APOL3: variants seen among roughly 807,000 people sequenced by gnomAD.
The protein encoded by APOL3 is apolipoprotein L3.
In APOL3, 14 loss-of-function variants were observed where a neutral mutation model predicts 11.6. The observed-to-expected ratio is 1.21, with a 90% CI of 0.80 to 1.89. The LOEUF is 1.89. Ranked by LOEUF, APOL3 falls within the 40% of genes most tolerant of loss-of-function variation. APOL3 has a pLI of 0.00. For synonymous variants in APOL3, 192 were observed against 190.6 expected (o/e 1.01, Z -0.06); for missense variants, 483 against 492.1 (o/e 0.98, Z 0.17).
At chr22:36,143,703 G>T (rs1311724322) in intron 2 of APOL3, among the ~76,000 whole-genome samples, 1 of 152,186 alleles carries the variant, frequency 6.6e-6, no homozygotes, top group Non-Finnish European at 1.5e-5. Flanking sequence ...CAAGCCACTT[G>T]ACGGCCTCCT....
chr22:36,141,774 G>A, exon 3 of APOL3: 3 of 1,614,198 alleles, frequency 1.9e-6, no homozygotes, highest in South Asian at 1.1e-5. Context: ...CGTCCCTGCT[G>A]TAAATGGTGC....
rs1024024982 is a variant in APOL3, at chr22:36,141,129, T to A, written c.*71A>T. 3 of 1,545,254 alleles carry A rather than the reference T, an allele frequency of 1.9e-6. No individual in the cohort carries two copies. The African/African-American group carries it at 4.1e-5, about 21-fold the overall frequency. ...CTTTACCTTGCCCTCTTTATCCCCC[T>A]AATAAAATGCCTGCATTTTGTCGTG... On this transcript the variant is annotated 3_prime_UTR_variant, in exon 3 of 3. Transcript: ENST00000349314.
chr22:36,153,546 G>T, intron 1 of APOL3: 1 of 380,640 alleles, frequency 2.6e-6, no homozygotes, highest in South Asian at 1.9e-5. Context: ...CTCAACATAC[G>T]GGCTTCTTTT....
chr22:36,157,293 C>T (rs1191993635), intron 1 of APOL3, among the ~76,000 whole-genome samples: 1 of 152,184 alleles, frequency 6.6e-6, no homozygotes, highest in Non-Finnish European at 1.5e-5. Context: ...CCAACTACTG[C>T]CAGGGACTTT....
At chr22:36,145,324 A>C in intron 2 of APOL3, 149 bp downstream of exon 3, 2 of 1,026,512 alleles carry the variant, frequency 1.9e-6, no homozygotes, top group East Asian at 5.2e-5. Flanking sequence ...CTTGGAGGAA[A>C]TATTCCTCCT....
chr22:36,145,026 GAAAAAAAAAGAAA>G (rs2060139394), intron 2 of APOL3, among the ~76,000 whole-genome samples: 1 of 124,340 alleles, frequency 8.0e-6, no homozygotes, highest in African/African-American at 3.1e-5. Context: ...AAAAAAAAAA[GAAAAAAAAAGAAA>G]AAAAAAGAAA....
intron 1 of APOL3, among the ~76,000 whole-genome samples, chr22:36,160,029 G>T (rs905051268): frequency 1.3e-5 from 2 of 152,012 alleles, no homozygotes; most frequent in African/African-American, 4.8e-5. Context: ...TTACTGGCTT[G>T]TGCCACCACG....
upstream of APOL3, chr22:36,165,604 C>A (rs570704899): frequency 2.4e-4 from 36 of 152,254 alleles, no homozygotes; most frequent in African/African-American, 7.7e-4. Flanking sequence ...ATTTGATTTA[C>A]AAGGTTGTTT....
chr22:36,145,554 C>A, exon 2 of APOL3: 1 of 1,614,156 alleles, frequency 6.2e-7, no homozygotes, highest in East Asian at 2.2e-5. Context: ...TGGGCTGACT[C>A]TCTCCCGGAA....
At position 36,144,910 on chromosome 22, in the gene APOL3, C is replaced by T. The variant is rs184852598; in HGVS notation, c.350+563G>A. ...CCTGTAGTCCCAGCTACTTGGGAGG[C>T]TGGGGCAGGAGAATGGCGTGAAACC... On this transcript the variant is annotated intron_variant, in intron 2 of 2. Transcript: ENST00000349314. Among the ~76,000 whole-genome samples, 509 of 145,896 alleles carry T rather than the reference C, an allele frequency of 3.5e-3. 3 individuals are homozygous for T. Among genetic ancestry groups the T allele is most frequent in the African/African-American group, 0.011 (454 of 39,652 alleles).
chr22:36,148,931 C>T (rs2060322207), intron 1 of APOL3, 115 bp downstream of exon 2: 4 of 1,038,794 alleles, frequency 3.9e-6, no homozygotes, highest in African/African-American at 1.6e-5. Context: ...AGGGAAGACT[C>T]ATCGGCCTGC....
At chr22:36,166,159 A>C (rs1286935057) in exon 1 of APOL3, 2 of 152,142 alleles carry the variant, frequency 1.3e-5, no homozygotes, top group Non-Finnish European at 2.9e-5. Context: ...ATGTGGTTGT[A>C]CCCTCCTTTC....
intron 2 of APOL3, 92 bp downstream of exon 3, chr22:36,145,381 G>A: frequency 6.7e-7 from 1 of 1,488,982 alleles, no homozygotes; most frequent in Non-Finnish European, 9.1e-7. Context: ...GGGGCTGCCT[G>A]GAGGAGGTGT....
chr22:36,160,772 C>T lies in APOL3; in HGVS notation c.120G>A (p.Leu40=). 1 of 1,614,184 alleles carries T rather than the reference C, an allele frequency of 6.2e-7. No individual in the cohort carries two copies. Among genetic ancestry groups the T allele is most frequent in the Non-Finnish European group, 8.5e-7 (1 of 1,180,028 alleles). ...CTGCATAATAACCAGACACGTTCTC[C>T]AGGCTCTGAGATATACCCTGGAACC... The change falls in exon 1 of 3, where the codon CTG becomes CTA. Residue 40 remains leucine (L), a synonymous_variant. Coordinates refer to ENST00000349314, the Ensembl canonical transcript of APOL3.
exon 3 of APOL3, chr22:36,141,124 C>A: frequency 6.5e-7 from 1 of 1,540,772 alleles, no homozygotes; most frequent in Non-Finnish European, 8.7e-7. Flanking sequence ...CCCTCTTTAT[C>A]CCCCTAATAA....
In APOL3 at chr22:36,148,802, G is replaced by C. The variant is rs959490773; in HGVS notation, c.224-3203C>G. On this transcript the variant is annotated intron_variant, in intron 1 of 2. Coordinates refer to ENST00000349314, the Ensembl canonical transcript of APOL3. ...GGTGCCCCACTTGAGTCGTTTGCTA[G>C]GTGCCAGGGCAGGGAGGAAGTGGGC... Among the ~76,000 whole-genome samples, 48 of 152,212 alleles carry C rather than the reference G, an allele frequency of 3.2e-4. 1 individual carries two copies. Among genetic ancestry groups the C allele is most frequent in the Non-Finnish European group, 1.2e-4 (8 of 68,040 alleles).
chr22:36,149,940 G>C (rs2060369463), intron 1 of APOL3: 1 of 455,824 alleles, frequency 2.2e-6, no homozygotes. Flanking sequence ...CCAAGTAGTT[G>C]TCCCTACAGG....
At chr22:36,161,634 C>G (rs1052534549), upstream of APOL3, 4 of 152,778 alleles carry the variant, frequency 2.6e-5, no homozygotes, top group Non-Finnish European at 5.8e-5. Flanking sequence ...GCAGAGCCCA[C>G]TGCCCCATGT....
intron 1 of APOL3, among the ~76,000 whole-genome samples, chr22:36,151,486 CT>C (rs1239008824): frequency 6.6e-6 from 1 of 151,022 alleles, no homozygotes; most frequent in African/African-American, 2.4e-5. Flanking sequence ...AAAAAGACTT[CT>C]TGAGAATTAA....
Sources: gnomAD v4.1 joint callset for allele counts (sites outside exome capture counted in the v4.1 genomes callset) on GRCh38, gnomAD v4.1.1 for gene constraint, MANE v1.5 for transcripts, NCBI Gene and HGNC (gene_info 2026-07-23, HGNC 2026-07-21) for gene names.